GYS2: variants seen among roughly 807,000 people sequenced by gnomAD.
GYS2 encodes glycogen synthase 2, also known as glycogen [starch] synthase, liver.
GYS2 carries 80 observed loss-of-function variants against 85.6 expected under a neutral mutation model. The ratio of observed to expected loss-of-function variants is 0.93; its 90% CI spans 0.78 to 1.13. GYS2 has a LOEUF of 1.13. GYS2 is among the 50% of genes most tolerant of loss of function. GYS2 has a pLI of 0.00. For synonymous variants in GYS2, 328 were observed against 300.7 expected (o/e 1.09, Z -0.94); for missense variants, 881 against 854.9 (o/e 1.03, Z -0.38).
intron 12 of GYS2, among the ~76,000 whole-genome samples, chr12:21,543,317 T>G (rs74626198): frequency 6.6e-6 from 1 of 152,170 alleles, no homozygotes; most frequent in Non-Finnish European, 1.5e-5. Flanking sequence ...CAACCTTATC[T>G]CTTGCTCTGC....
intron 11 of GYS2, among the ~76,000 whole-genome samples, chr12:21,555,194 A>C (rs1270056670): frequency 6.6e-6 from 1 of 152,212 alleles, no homozygotes; most frequent in East Asian, 1.9e-4. Flanking sequence ...CAGAAAGACC[A>C]GCTTAGGTTA....
chr12:21,543,859 T>C (rs1442084964), intron 12 of GYS2, among the ~76,000 whole-genome samples: 1 of 152,226 alleles, frequency 6.6e-6, no homozygotes, highest in East Asian at 1.9e-4. Context: ...TTTCTGTTCC[T>C]GTGTTAGTTT....
chr12:21,596,113 A>G (rs1944693513), intron 1 of GYS2, among the ~76,000 whole-genome samples: 1 of 152,076 alleles, frequency 6.6e-6, no homozygotes, highest in South Asian at 2.1e-4. Flanking sequence ...TGGTAATTAA[A>G]AAATTACCAA....
intron 7 of GYS2, among the ~76,000 whole-genome samples, chr12:21,561,131 C>A (rs1320177439): frequency 6.6e-6 from 1 of 152,092 alleles, no homozygotes; most frequent in Non-Finnish European, 1.5e-5. Flanking sequence ...AAATATACTA[C>A]TAATAATCAT....
intron 1 of GYS2, among the ~76,000 whole-genome samples, chr12:21,592,863 G>T (rs1326200963): frequency 6.6e-6 from 1 of 151,900 alleles, no homozygotes; most frequent in Non-Finnish European, 1.5e-5. Context: ...CATTCCCCAG[G>T]ATACACCATA....
intron 1 of GYS2, among the ~76,000 whole-genome samples, chr12:21,588,879 C>T (rs1253481830): frequency 6.6e-6 from 1 of 152,214 alleles, no homozygotes; most frequent in Admixed American, 6.5e-5. Flanking sequence ...GCAAGGGCAA[C>T]TAAAATGAAG....
At chr12:21,546,050 T>A (rs1565593183) in intron 12 of GYS2, among the ~76,000 whole-genome samples, 1 of 152,126 alleles carries the variant, frequency 6.6e-6, no homozygotes, top group Non-Finnish European at 1.5e-5. Context: ...CTAAATAAGA[T>A]ACAACCTTTA....
chr12:21,586,757 C>G (rs1403945295), intron 1 of GYS2, among the ~76,000 whole-genome samples: 1 of 152,150 alleles, frequency 6.6e-6, no homozygotes, highest in Non-Finnish European at 1.5e-5. Flanking sequence ...TTATGGAAGA[C>G]AGCATGAAGA....
chr12:21,558,684 C>T (rs1944213337), intron 10 of GYS2, among the ~76,000 whole-genome samples: 1 of 152,154 alleles, frequency 6.6e-6, no homozygotes, highest in Admixed American at 6.5e-5. Context: ...CCTATTATAA[C>T]AAGCATTCTG....
intron 1 of GYS2, among the ~76,000 whole-genome samples, chr12:21,599,019 T>C (rs1338484021): frequency 6.6e-6 from 1 of 152,050 alleles, no homozygotes; most frequent in Non-Finnish European, 1.5e-5. Context: ...TTCAAAGAAG[T>C]ATAGAATAGA....
intron 1 of GYS2, among the ~76,000 whole-genome samples, chr12:21,592,027 T>A (rs1366060298): frequency 6.6e-6 from 1 of 151,924 alleles, no homozygotes; most frequent in African/African-American, 2.4e-5. Context: ...ACACTGCCAT[T>A]ATGAAGACAC....
At chr12:21,562,642 AGGG>A (rs1944267817) in intron 7 of GYS2, among the ~76,000 whole-genome samples, 2 of 65,246 alleles carry the variant, frequency 3.1e-5, no homozygotes, top group African/African-American at 9.5e-5. Context: ...AAAACATAGA[AGGG>A]GAGAATGGGA....
chr12:21,576,816 A>G (rs1455291442), intron 2 of GYS2, among the ~76,000 whole-genome samples: 1 of 151,960 alleles, frequency 6.6e-6, no homozygotes, highest in African/African-American at 2.4e-5. Flanking sequence ...TTCTATAGTA[A>G]TTTACTTGTT....
chr12:21,565,138 G>T (rs1441252901), intron 5 of GYS2, among the ~76,000 whole-genome samples: 1 of 151,862 alleles, frequency 6.6e-6, no homozygotes, highest in African/African-American at 2.4e-5. Flanking sequence ...GGCCAGTGAG[G>T]TCTTCTAATA....
chr12:21,582,586 GATAT>G (rs1944523182), intron 1 of GYS2, among the ~76,000 whole-genome samples: 2 of 136,516 alleles, frequency 1.5e-5, no homozygotes, highest in Non-Finnish European at 3.1e-5. Context: ...TATAGAGATA[GATAT>G]AGAGATAGAT....
chr12:21,568,853 G>C lies in GYS2; in HGVS notation c.823+12C>G. On this transcript the variant is annotated intron_variant, in intron 5 of 15. Coordinates refer to ENST00000261195, the MANE Select transcript of GYS2 (RefSeq NM_021957.4). ...GGAACTGAAAGATAGGTGATCCAGG[G>C]ATAATAATTACCAGGCTTTCTCTTC... 6.2e-7 allele frequency: 1 copy of C among 1,607,256 alleles called. No individual in the cohort carries two copies. The highest frequency in any genetic ancestry group is 8.5e-7 in the Non-Finnish European group (1 of 1,173,744).
chr12:21,541,597 T>A (rs1384520206), intron 13 of GYS2, among the ~76,000 whole-genome samples: 1 of 152,140 alleles, frequency 6.6e-6, no homozygotes, highest in East Asian at 1.9e-4. Flanking sequence ...AAGGACAAAG[T>A]TTGTCCAAGT....
At chr12:21,557,545 T>C (rs934171720) in intron 11 of GYS2, among the ~76,000 whole-genome samples, 7 of 152,234 alleles carry the variant, frequency 4.6e-5, no homozygotes, top group Non-Finnish European at 1.0e-4. Context: ...ACACTATCCA[T>C]GTTAATATCA....
At chr12:21,554,089 C>CAAGA (rs1944146400) in intron 11 of GYS2, among the ~76,000 whole-genome samples, 1 of 150,872 alleles carries the variant, frequency 6.6e-6, no homozygotes, top group Non-Finnish European at 1.5e-5. Flanking sequence ...TTATTAAATA[C>CAAGA]ATTGACTTTC....
Sources: allele counts gnomAD v4.1 joint callset (sites outside exome capture counted in the v4.1 genomes callset), GRCh38; gene constraint gnomAD v4.1.1; transcripts MANE v1.5; gene names NCBI Gene and HGNC (gene_info 2026-07-23, HGNC 2026-07-21).